The following TMEM178B variants were observed in gnomAD, a reference collection of about 807,000 sequenced individuals.
TMEM178B encodes transmembrane protein 178B.
TMEM178B carries 5 observed loss-of-function variants against 31.0 expected under a neutral mutation model. The observed-to-expected ratio is 0.16, with a 90% CI of 0.08 to 0.34. The LOEUF (loss-of-function observed/expected upper bound fraction) is 0.34, where lower values mean the gene tolerates loss of function less well. Among genes scored for constraint, TMEM178B ranks in the 10% least tolerant of loss-of-function variants. The pLI is 1.00. For missense variants in TMEM178B, 275 were observed against 400.3 expected, an observed-to-expected ratio of 0.69 and a Z score of 2.67; for synonymous variants, 164 against 164.0, an observed-to-expected ratio of 1.00 and a Z score of 0.00.
At chr7:141,346,739 A>C (rs1299997275) in intron 2 of TMEM178B, among the ~76,000 whole-genome samples, 5 of 152,356 alleles carry the variant, frequency 3.3e-5, no homozygotes, top group Admixed American at 3.3e-4. Context: ...GTATATACCA[A>C]CAGTGTGTGG....
chr7:141,421,857 A>G (rs1419145086), intron 2 of TMEM178B, among the ~76,000 whole-genome samples: 2 of 151,402 alleles, frequency 1.3e-5, no homozygotes, highest in Non-Finnish European at 2.9e-5. Flanking sequence ...TTTTCTCACT[A>G]CAACCTTTTA....
rs564652936 is a variant in TMEM178B at position 141,234,240 on chromosome 7, G to T, written c.496+21536G>T. 6.2e-4 allele frequency among the ~76,000 whole-genome samples: 94 copies of T among 152,262 alleles called. 1 individual carries two copies. In the South Asian group the frequency reaches 0.019, roughly 31 times the overall value. ...CATAAACAAATCACTTCAATAAAGGGCACATTGGGGCAAATCAAATGCCAT... is the reference window on the plus strand; with the variant it reads ...CATAAACAAATCACTTCAATAAAGGTCACATTGGGGCAAATCAAATGCCAT... On this transcript the variant is annotated intron_variant, in intron 2 of 3. Transcript: ENST00000565468.
At chr7:141,419,293 T>C (rs1044459402) in intron 2 of TMEM178B, among the ~76,000 whole-genome samples, 2 of 152,212 alleles carry the variant, frequency 1.3e-5, no homozygotes, top group Non-Finnish European at 2.9e-5. Flanking sequence ...AGGTCTCCTC[T>C]TTGAGTCTGT....
At chr7:141,177,026 T>G (rs1796445377) in intron 1 of TMEM178B, among the ~76,000 whole-genome samples, 1 of 152,230 alleles carries the variant, frequency 6.6e-6, no homozygotes, top group South Asian at 2.1e-4. Flanking sequence ...TTTCTAGTTC[T>G]TTTAATTGTG....
At chr7:141,358,654 A>T (rs543484931) in intron 2 of TMEM178B, among the ~76,000 whole-genome samples, 2 of 152,072 alleles carry the variant, frequency 1.3e-5, no homozygotes, top group Admixed American at 6.6e-5. Flanking sequence ...TTTCTTAATG[A>T]CTAACATTTT....
At chr7:141,351,487 A>G (rs1480490483) in intron 2 of TMEM178B, among the ~76,000 whole-genome samples, 2 of 152,246 alleles carry the variant, frequency 1.3e-5, no homozygotes, top group Non-Finnish European at 2.9e-5. Flanking sequence ...GTGCAAGGAC[A>G]AGGTTACTTT....
intron 2 of TMEM178B, among the ~76,000 whole-genome samples, chr7:141,221,965 A>G (rs976053561): frequency 6.6e-6 from 1 of 152,226 alleles, no homozygotes; most frequent in Non-Finnish European, 1.5e-5. Flanking sequence ...GTGGGACCCA[A>G]GAATCTGTAA....
chr7:141,343,140 A>T (rs1302172542), intron 2 of TMEM178B, among the ~76,000 whole-genome samples: 2 of 152,220 alleles, frequency 1.3e-5, no homozygotes, highest in African/African-American at 4.8e-5. Context: ...CGGGGACTGC[A>T]TTTAAGAACT....
intron 2 of TMEM178B, among the ~76,000 whole-genome samples, chr7:141,245,758 T>C (rs1797720801): frequency 6.6e-6 from 1 of 152,210 alleles, no homozygotes. Context: ...GGCAAGAGAA[T>C]TGGCATGCTG....
intron 3 of TMEM178B, among the ~76,000 whole-genome samples, chr7:141,460,603 G>T (rs1802043685): frequency 6.6e-6 from 1 of 152,198 alleles, no homozygotes; most frequent in African/African-American, 2.4e-5. Flanking sequence ...TGGAAGTGAG[G>T]CCAGCCTCTA....
intron 1 of TMEM178B, among the ~76,000 whole-genome samples, chr7:141,202,131 C>CAGT (rs762408430): frequency 2.4e-4 from 36 of 152,178 alleles, no homozygotes; most frequent in East Asian, 1.5e-3. Flanking sequence ...GTTCTGTGCA[C>CAGT]AGTACCTAAT....
chr7:141,392,694 A>G (rs1800566059), intron 2 of TMEM178B, among the ~76,000 whole-genome samples: 1 of 152,094 alleles, frequency 6.6e-6, no homozygotes, highest in South Asian at 2.1e-4. Flanking sequence ...AGGATCGCAC[A>G]TGGCAGGCCT....
At chr7:141,247,259 TA>T (rs1797752251) in intron 2 of TMEM178B, among the ~76,000 whole-genome samples, 1 of 152,076 alleles carries the variant, frequency 6.6e-6, no homozygotes, top group Admixed American at 6.5e-5. Flanking sequence ...GCTATGTAGA[TA>T]TAGATATTTA....
rs115428968 is a variant in TMEM178B, at chr7:141,085,849, G to A, written c.382+11157G>A. ...CTCTCTCATGAGGTTGAAGACGTGCGTGCCTGTGGCCCGGCCCTTCCACTT... is the reference window on the plus strand; with the variant it reads ...CTCTCTCATGAGGTTGAAGACGTGCATGCCTGTGGCCCGGCCCTTCCACTT... On this transcript the variant is annotated intron_variant, in intron 1 of 3. Transcript: ENST00000565468. 9.9e-3 allele frequency among the ~76,000 whole-genome samples: 1,512 copies of A among 152,042 alleles called. 35 individuals carry two copies. Among genetic ancestry groups the A allele is most frequent in the African/African-American group, 0.035 (1,436 of 41,378 alleles).
chr7:141,115,637 T>G (rs1281623371), intron 1 of TMEM178B, among the ~76,000 whole-genome samples: 1 of 152,006 alleles, frequency 6.6e-6, no homozygotes, highest in Admixed American at 6.6e-5. Context: ...AAAGTAGGGA[T>G]CAGGCGAATG....
intron 2 of TMEM178B, among the ~76,000 whole-genome samples, chr7:141,272,686 G>A (rs575273935): frequency 4.6e-5 from 7 of 152,280 alleles, no homozygotes; most frequent in East Asian, 1.9e-4. Context: ...ACATCAGCCC[G>A]TGGGCTGCCC....
At chr7:141,254,078 C>T (rs531624024) in intron 2 of TMEM178B, among the ~76,000 whole-genome samples, 1 of 152,298 alleles carries the variant, frequency 6.6e-6, no homozygotes, top group Non-Finnish European at 1.5e-5. Context: ...GTGGGGCTTG[C>T]CTGGACTCTG....
intron 2 of TMEM178B, among the ~76,000 whole-genome samples, chr7:141,379,440 A>G (rs990092028): frequency 6.6e-6 from 1 of 152,166 alleles, no homozygotes; most frequent in Admixed American, 6.6e-5. Context: ...AGCCATGATC[A>G]TGCCATTACA....
intron 2 of TMEM178B, among the ~76,000 whole-genome samples, chr7:141,237,948 G>C (rs987102994): frequency 6.6e-6 from 1 of 151,582 alleles, no homozygotes; most frequent in African/African-American, 2.4e-5. Context: ...GCTTGAACCT[G>C]GGGGAGCTGA....
Sources: allele counts gnomAD v4.1 joint callset (sites outside exome capture counted in the v4.1 genomes callset), GRCh38; gene constraint gnomAD v4.1.1; transcripts MANE v1.5; gene names NCBI Gene and HGNC (gene_info 2026-07-23, HGNC 2026-07-21).